The following SPTLC2 variants were observed in gnomAD, a reference collection of about 807,000 sequenced individuals.
The protein encoded by SPTLC2 is serine palmitoyltransferase long chain base subunit 2.
A neutral mutation model predicts 62.0 loss-of-function variants in SPTLC2; 21 were observed. That is an observed-to-expected ratio of 0.34 (90% CI 0.24 to 0.49). SPTLC2 has a LOEUF of 0.49. SPTLC2 is among the 20% of genes least tolerant of loss of function. The probability of loss-of-function intolerance (pLI) is 0.99; values close to 1 mark genes in which losing one functional copy is unlikely to be tolerated. For missense variants in SPTLC2, 511 were observed against 713.0 expected (o/e 0.72, Z 3.23); for synonymous variants, 261 against 261.8 (o/e 1.00, Z 0.03).
intron 9 of SPTLC2, among the ~76,000 whole-genome samples, chr14:77,542,073 A>AAAAC (rs1407999255): frequency 6.6e-6 from 1 of 151,856 alleles, no homozygotes; most frequent in Non-Finnish European, 1.5e-5. Context: ...GAAAAAAAAA[A>AAAAC]AAAAACCAAG....
At chr14:77,546,068 T>C (rs1217433429) in intron 9 of SPTLC2, among the ~76,000 whole-genome samples, 2 of 152,212 alleles carry the variant, frequency 1.3e-5, no homozygotes, top group East Asian at 1.9e-4. Flanking sequence ...TTTGGAAAAT[T>C]AGCAGAAAAT....
intron 2 of SPTLC2, among the ~76,000 whole-genome samples, chr14:77,595,081 G>A (rs1251328641): frequency 1.3e-5 from 2 of 152,072 alleles, no homozygotes; most frequent in Non-Finnish European, 2.9e-5. Flanking sequence ...TTAAAAATGT[G>A]GGCCAGGCAC....
At chr14:77,517,687 T>C (rs779235915) in intron 11 of SPTLC2, among the ~76,000 whole-genome samples, 2 of 151,896 alleles carry the variant, frequency 1.3e-5, no homozygotes, top group Non-Finnish European at 2.9e-5. Context: ...GAAGAATGAG[T>C]GGCAGTCAGC....
intron 1 of SPTLC2, among the ~76,000 whole-genome samples, chr14:77,603,775 G>A (rs1308037921): frequency 6.6e-6 from 1 of 152,172 alleles, no homozygotes; most frequent in Non-Finnish European, 1.5e-5. Flanking sequence ...TCAGTTCAGT[G>A]GCATCCTGTA....
chr14:77,593,469 C>T (rs1014481675), intron 2 of SPTLC2, among the ~76,000 whole-genome samples: 1 of 152,146 alleles, frequency 6.6e-6, no homozygotes, highest in Admixed American at 6.5e-5. Flanking sequence ...CTAGCTTCAC[C>T]TCACATCACA....
At chr14:77,592,067 A>G (rs1043547397) in intron 2 of SPTLC2, among the ~76,000 whole-genome samples, 3 of 151,784 alleles carry the variant, frequency 2.0e-5, no homozygotes, top group Non-Finnish European at 4.4e-5. Flanking sequence ...AGAATTAAAG[A>G]AGACAAACCA....
chr14:77,552,290 CTTCT>C, intron 8 of SPTLC2, 68 bp from the exon 9 acceptor site: 1 of 1,582,726 alleles, frequency 6.3e-7, no homozygotes, highest in Non-Finnish European at 8.6e-7. Flanking sequence ...CAGTCCTTTC[CTTCT>C]AAGTTCTAGA....
chr14:77,614,578 G>C (rs1190960799), intron 1 of SPTLC2, among the ~76,000 whole-genome samples: 1 of 150,680 alleles, frequency 6.6e-6, no homozygotes. Flanking sequence ...GCAGGAGAAT[G>C]GCGTGAACCT....
chr14:77,575,563 T>C (rs1212453221), intron 4 of SPTLC2, among the ~76,000 whole-genome samples: 2 of 152,174 alleles, frequency 1.3e-5, no homozygotes, highest in African/African-American at 4.8e-5. Context: ...ACACAGTGTC[T>C]CACTCTGTCA....
intron 11 of SPTLC2, 29 bp downstream of exon 11, chr14:77,518,009 T>C: frequency 6.2e-7 from 1 of 1,614,092 alleles, no homozygotes; most frequent in South Asian, 1.1e-5. Flanking sequence ...AAAAGGCATA[T>C]TTATATCAAG....
intron 10 of SPTLC2, among the ~76,000 whole-genome samples, chr14:77,518,952 C>T (rs1190489527): frequency 8.5e-5 from 13 of 152,394 alleles, no homozygotes; most frequent in African/African-American, 3.1e-4. Flanking sequence ...CCACCCCTAT[C>T]GTAAGCCAAA....
At chr14:77,525,589 C>CG (rs563717557) in intron 9 of SPTLC2, among the ~76,000 whole-genome samples, 2,073 of 98,436 alleles carry the variant, frequency 0.021, 44 homozygotes, top group African/African-American at 0.065. Flanking sequence ...AACTCCGTCT[C>CG]GAAAAAAAAA....
chr14:77,517,934 G>C (rs2079367062), intron 11 of SPTLC2, 104 bp downstream of exon 11: 1 of 1,570,596 alleles, frequency 6.4e-7, no homozygotes. Context: ...CTCTGTCTTA[G>C]GTGCTCACAA....
rs1471534456 is a variant in SPTLC2, at chr14:77,564,311, G to GAGAAGGAGA, written c.757-1831_757-1823dup. Among the ~76,000 whole-genome samples the GAGAAGGAGA allele has an allele frequency of 1.8e-4, 26 of 146,838 alleles. 1 individual carries two copies. The highest frequency in any genetic ancestry group is 6.5e-4 in the African/African-American group (26 of 39,784). On this transcript the variant is annotated intron_variant, in intron 5 of 11. Transcript: ENST00000216484. ...AAAGGAGGAAGAGGAGGAGAAGGAG[G>GAGAAGGAGA]AGAAGGAGAAGAAGGAGAATAAGGA... is the stretch of plus-strand genomic sequence containing the variant.
chr14:77,597,582 C>T (rs1320635834), intron 1 of SPTLC2, among the ~76,000 whole-genome samples: 1 of 136,312 alleles, frequency 7.3e-6, no homozygotes, highest in East Asian at 2.4e-4. Flanking sequence ...CAAGACCAGC[C>T]TGGTCAACAT....
chr14:77,535,146 C>T (rs1295734045), intron 9 of SPTLC2, among the ~76,000 whole-genome samples: 2 of 152,150 alleles, frequency 1.3e-5, no homozygotes, highest in Non-Finnish European at 2.9e-5. Flanking sequence ...AGGCTGGTCT[C>T]GAACTCCCAA....
intron 4 of SPTLC2, among the ~76,000 whole-genome samples, chr14:77,573,314 C>T (rs1246908844): frequency 6.6e-6 from 1 of 152,018 alleles, no homozygotes; most frequent in Non-Finnish European, 1.5e-5. Flanking sequence ...TTGTATATTT[C>T]AAATAGCTAG....
chr14:77,552,251 G>C, intron 8 of SPTLC2, 29 bp from the exon 9 acceptor site: 1 of 1,613,410 alleles, frequency 6.2e-7, no homozygotes, highest in Non-Finnish European at 8.5e-7. Context: ...CAGATAAGTA[G>C]AGACAATTCT....
At chr14:77,594,815 T>G (rs2079837641) in intron 2 of SPTLC2, among the ~76,000 whole-genome samples, 1 of 151,094 alleles carries the variant, frequency 6.6e-6, no homozygotes, top group Non-Finnish European at 1.5e-5. Context: ...GTTTCGACTA[T>G]GCATCTACAC....
Sources: gnomAD v4.1 joint callset for allele counts (sites outside exome capture counted in the v4.1 genomes callset) on GRCh38, gnomAD v4.1.1 for gene constraint, MANE v1.5 for transcripts, NCBI Gene and HGNC (gene_info 2026-07-23, HGNC 2026-07-21) for gene names.